SPATA18: variants seen among roughly 807,000 people sequenced by gnomAD.
SPATA18 encodes mitochondria-eating protein.
SPATA18 carries 54 observed loss-of-function variants against 68.1 expected under a neutral mutation model. The observed-to-expected ratio is 0.79, with a 90% CI of 0.64 to 0.99. SPATA18 has a LOEUF of 0.99. SPATA18 is among the 50% of genes least tolerant of loss of function. SPATA18 has a pLI of 0.00. For synonymous variants in SPATA18, 242 were observed against 244.8 expected (o/e 0.99, Z 0.11); for missense variants, 724 against 681.1 (o/e 1.06, Z -0.70).
At chr4:52,086,572 A>G (rs971005846) in intron 11 of SPATA18, among the ~76,000 whole-genome samples, 2 of 152,188 alleles carry the variant, frequency 1.3e-5, no homozygotes, top group African/African-American at 4.8e-5. Context: ...AGCTTCATCA[A>G]TGTCCCTGCA....
intron 11 of SPATA18, among the ~76,000 whole-genome samples, chr4:52,086,906 TC>T (rs1741481410): frequency 6.6e-6 from 1 of 152,226 alleles, no homozygotes; most frequent in South Asian, 2.1e-4. Context: ...TTCCTATTTT[TC>T]CACAACCTCT....
chr4:52,051,896 C>T, intron 1 of SPATA18, 105 bp downstream of exon 1: 2 of 1,062,756 alleles, frequency 1.9e-6, no homozygotes, highest in Non-Finnish European at 2.8e-6. Context: ...TTTGCAAAGC[C>T]TCCGCGGTTG....
chr4:52,078,934 T>G, intron 8 of SPATA18, 41 bp downstream of exon 8: 2 of 1,517,294 alleles, frequency 1.3e-6, no homozygotes, highest in Non-Finnish European at 1.8e-6. Context: ...TTGCTGCTGC[T>G]GCTGCAGTTT....
intron 3 of SPATA18, among the ~76,000 whole-genome samples, chr4:52,061,548 T>C (rs570939344): frequency 6.6e-6 from 1 of 151,072 alleles, no homozygotes; most frequent in South Asian, 2.1e-4. Context: ...TAGTCTGTTC[T>C]GAGCAAGAGC....
intron 10 of SPATA18, chr4:52,083,111 G>GGTACC: frequency 3.0e-6 from 3 of 985,322 alleles, no homozygotes. Context: ...AGGAGTCTTA[G>GGTACC]GTACCGTATG....
chr4:52,056,942 T>C (rs1264693873), intron 1 of SPATA18, among the ~76,000 whole-genome samples: 2 of 152,174 alleles, frequency 1.3e-5, no homozygotes, highest in African/African-American at 4.8e-5. Flanking sequence ...TCTTTCAGAC[T>C]TGGTCTCTGG....
intron 10 of SPATA18, 54 bp from the exon 11 acceptor site, chr4:52,084,862 G>C: frequency 6.4e-7 from 1 of 1,554,880 alleles, no homozygotes; most frequent in Non-Finnish European, 8.9e-7. Flanking sequence ...TTTGAGCCAT[G>C]ACAGTTTTCA....
At chr4:52,070,545 G>A (rs2613115) in intron 5 of SPATA18, among the ~76,000 whole-genome samples, 1 of 142,826 alleles carries the variant, frequency 7.0e-6, no homozygotes, top group African/African-American at 2.6e-5. Flanking sequence ...GGGGTAGGGG[G>A]AGGGGGGAGG....
chr4:52,055,929 C>T (rs1389234732), intron 1 of SPATA18, among the ~76,000 whole-genome samples: 4 of 152,178 alleles, frequency 2.6e-5, no homozygotes, highest in Non-Finnish European at 4.4e-5. Context: ...TGCATAGTGG[C>T]GTCTCCATAA....
chr4:52,072,860 G>A (rs147807760), intron 6 of SPATA18, among the ~76,000 whole-genome samples: 19 of 152,306 alleles, frequency 1.2e-4, no homozygotes, highest in African/African-American at 4.3e-4. Flanking sequence ...TCACTGCAGG[G>A]TATTTCCCTT....
At chr4:52,082,665 A>T (rs1285998295) in intron 10 of SPATA18, 155 bp downstream of exon 10, 7 of 1,510,326 alleles carry the variant, frequency 4.6e-6, no homozygotes, top group Admixed American at 2.2e-5. Context: ...AGAAGAACTG[A>T]TTCTTTTCTT....
intron 6 of SPATA18, among the ~76,000 whole-genome samples, chr4:52,075,527 A>G (rs1740260617): frequency 6.6e-6 from 1 of 152,228 alleles, no homozygotes; most frequent in Admixed American, 6.5e-5. Flanking sequence ...ATGTATGGCC[A>G]GAATTGATAG....
At chr4:52,094,747 C>A in intron 12 of SPATA18, 133 bp from the exon 13 acceptor site, 2 of 1,341,804 alleles carry the variant, frequency 1.5e-6, no homozygotes, top group South Asian at 2.4e-5. Flanking sequence ...TCCCATGGGT[C>A]ATGTAGAAGG....
rs1256972425 is a variant in SPATA18 at position 52,082,386 on chromosome 4, G to T, written c.1356-1G>T. The T allele has an allele frequency of 6.2e-7, 1 of 1,613,586 alleles. No homozygotes were observed. Among genetic ancestry groups the T allele is most frequent in the Admixed American group, 1.7e-5 (1 of 59,964 alleles). On this transcript the variant is annotated splice_acceptor_variant, in intron 9 of 12. Transcript: ENST00000295213. LOFTEE classifies it high-confidence loss of function. ...TTTCTTTTTTTGTATATTGAAAACA[G>T]ATACCGCCGCAGCTACGACTCGGAT...
chr4:52,060,747 T>A (rs1391163552), intron 2 of SPATA18, 35 bp from the exon 3 acceptor site: 1 of 1,561,510 alleles, frequency 6.4e-7, no homozygotes, highest in Admixed American at 1.7e-5. Context: ...CATGTTGGTG[T>A]GCTGCACCCA....
At chr4:52,051,938 G>C (rs1261699413) in intron 1 of SPATA18, 147 bp downstream of exon 1, 6 of 721,672 alleles carry the variant, frequency 8.3e-6, no homozygotes, top group African/African-American at 1.7e-5. Flanking sequence ...GCTTTCGACC[G>C]GGATCGCTGG....
chr4:52,062,716 T>C (rs756209592), intron 4 of SPATA18, among the ~76,000 whole-genome samples: 1 of 151,530 alleles, frequency 6.6e-6, no homozygotes, highest in Non-Finnish European at 1.5e-5. Context: ...TAAAAGAGAG[T>C]GAACAATCAG....
At chr4:52,071,572 C>G (rs1302961938) in intron 5 of SPATA18, among the ~76,000 whole-genome samples, 1 of 152,122 alleles carries the variant, frequency 6.6e-6, no homozygotes, top group East Asian at 1.9e-4. Flanking sequence ...GCCTGAATAG[C>G]TTTTGGAGGT....
chr4:52,055,657 A>G (rs1171594776), intron 1 of SPATA18, among the ~76,000 whole-genome samples: 4 of 152,106 alleles, frequency 2.6e-5, no homozygotes, highest in Admixed American at 2.6e-4. Flanking sequence ...GGAATTGTCT[A>G]AAAAGCTTTT....
Sources: allele counts gnomAD v4.1 joint callset (sites outside exome capture counted in the v4.1 genomes callset), GRCh38; gene constraint gnomAD v4.1.1; transcripts MANE v1.5; gene names NCBI Gene and HGNC (gene_info 2026-07-23, HGNC 2026-07-21).